NRXN3: variants seen among roughly 807,000 people sequenced by gnomAD.
The protein encoded by NRXN3 is neurexin 3, also known as neurexin III.
In NRXN3, 32 loss-of-function variants were observed where a neutral mutation model predicts 137.6. That is an observed-to-expected ratio of 0.23 (90% CI 0.18 to 0.31). The LOEUF (loss-of-function observed/expected upper bound fraction) is 0.31. Ranked by LOEUF, NRXN3 falls within the 10% of genes least tolerant of loss-of-function variation. NRXN3 has a pLI of 1.00. For synonymous variants in NRXN3, 798 were observed against 784.5 expected (o/e 1.02, Z -0.29); for missense variants, 1,574 against 2,062.5 (o/e 0.76, Z 4.59).
chr14:78,328,663 A>T (rs2080407327), intron 4 of NRXN3, among the ~76,000 whole-genome samples: 1 of 152,226 alleles, frequency 6.6e-6, no homozygotes, highest in African/African-American at 2.4e-5. Flanking sequence ...TATCCACACC[A>T]GTCCTTCTTG....
intron 14 of NRXN3, among the ~76,000 whole-genome samples, chr14:78,984,946 T>A (rs1244962583): frequency 6.6e-6 from 1 of 152,222 alleles, no homozygotes; most frequent in Non-Finnish European, 1.5e-5. Flanking sequence ...AAAGTTCTAT[T>A]AAGTCCTTAG....
intron 4 of NRXN3, among the ~76,000 whole-genome samples, chr14:78,561,544 C>T (rs2096786133): frequency 2.6e-5 from 4 of 152,100 alleles, no homozygotes. Flanking sequence ...AGGTTTATGC[C>T]ATAGGGGACA....
At chr14:78,537,049 T>C (rs1388451635) in intron 4 of NRXN3, among the ~76,000 whole-genome samples, 3 of 152,188 alleles carry the variant, frequency 2.0e-5, no homozygotes, top group Non-Finnish European at 2.9e-5. Flanking sequence ...CTATTGTGAG[T>C]AGTACCACCA....
At chr14:79,624,790 C>CTT (rs1567698949) in intron 16 of NRXN3, among the ~76,000 whole-genome samples, 4 of 119,492 alleles carry the variant, frequency 3.3e-5, no homozygotes, top group African/African-American at 1.3e-4. Flanking sequence ...CTTTCTTTCC[C>CTT]GTTTTTTTTT....
At chr14:78,673,681 C>T (rs1567029796) in intron 6 of NRXN3, among the ~76,000 whole-genome samples, 1 of 152,184 alleles carries the variant, frequency 6.6e-6, no homozygotes, top group Non-Finnish European at 1.5e-5. Flanking sequence ...TTTGTATCCT[C>T]ACATGGTGGA....
chr14:78,198,419 G>A (rs1388427143), intron 1 of NRXN3, among the ~76,000 whole-genome samples: 2 of 152,232 alleles, frequency 1.3e-5, no homozygotes, highest in Non-Finnish European at 2.9e-5. Flanking sequence ...TCCCTCAGGA[G>A]TTTAGAGTTG....
chr14:78,685,511 G>C (rs559978281), intron 6 of NRXN3, among the ~76,000 whole-genome samples: 1 of 151,744 alleles, frequency 6.6e-6, no homozygotes, highest in Non-Finnish European at 1.5e-5. Flanking sequence ...TGAACATGCT[G>C]TTCACATGAC....
At chr14:79,152,223 T>G (rs1307097943) in intron 15 of NRXN3, among the ~76,000 whole-genome samples, 1 of 152,094 alleles carries the variant, frequency 6.6e-6, no homozygotes, top group Non-Finnish European at 1.5e-5. Flanking sequence ...CTTTTGCATT[T>G]TATCTGCAGT....
chr14:79,613,290 G>T (rs952663485), intron 16 of NRXN3, among the ~76,000 whole-genome samples: 2 of 152,178 alleles, frequency 1.3e-5, no homozygotes, highest in African/African-American at 4.8e-5. Context: ...AAAATTTGGG[G>T]CATTTATGCC....
At chr14:79,526,567 TCCCATGGTGAATTTATATGTTCC>T (rs1405270182) in intron 16 of NRXN3, among the ~76,000 whole-genome samples, 1 of 152,148 alleles carries the variant, frequency 6.6e-6, no homozygotes, top group Non-Finnish European at 1.5e-5. Context: ...GGAGAATATT[TCCCATGGTGAATTTATATGTTCC>T]GCCAATTCAA....
At chr14:79,443,144 T>C (rs1001188013) in intron 15 of NRXN3, among the ~76,000 whole-genome samples, 5 of 152,250 alleles carry the variant, frequency 3.3e-5, no homozygotes, top group African/African-American at 1.2e-4. Flanking sequence ...TCATTTACAA[T>C]ATAGGTGTTA....
At chr14:79,801,550 G>GCACACACACACACACACACACACACACA (rs370807630) in intron 19 of NRXN3, among the ~76,000 whole-genome samples, 8 of 152,042 alleles carry the variant, frequency 5.3e-5, no homozygotes, top group African/African-American at 1.9e-4. Flanking sequence ...GTGTGTGCAC[G>GCACACACACACACACACACACACACACA]CACACACACA....
At chr14:79,531,229 A>G (rs1245913865) in intron 16 of NRXN3, among the ~76,000 whole-genome samples, 1 of 152,208 alleles carries the variant, frequency 6.6e-6, no homozygotes, top group Non-Finnish European at 1.5e-5. Context: ...TGTAGAAAGT[A>G]CAGATATGAC....
At chr14:78,289,581 G>A (rs1312927673) in intron 3 of NRXN3, among the ~76,000 whole-genome samples, 2 of 150,958 alleles carry the variant, frequency 1.3e-5, no homozygotes, top group Non-Finnish European at 2.9e-5. Context: ...TGCCAAATGT[G>A]CTTGTTTTTT....
At chr14:79,740,718 A>C (rs2075314499) in intron 19 of NRXN3, among the ~76,000 whole-genome samples, 1 of 11,952 alleles carries the variant, frequency 8.4e-5, no homozygotes, top group Admixed American at 5.5e-4. Context: ...TTTTTTATAT[A>C]TATATATATA....
At chr14:78,469,872 C>T (rs2095223058) in intron 4 of NRXN3, among the ~76,000 whole-genome samples, 1 of 152,200 alleles carries the variant, frequency 6.6e-6, no homozygotes, top group African/African-American at 2.4e-5. Context: ...AAAGCTAAAA[C>T]TGCCTCTTCC....
intron 19 of NRXN3, among the ~76,000 whole-genome samples, chr14:79,748,879 G>A (rs2098988079): frequency 6.6e-6 from 1 of 151,842 alleles, no homozygotes; most frequent in African/African-American, 2.4e-5. Flanking sequence ...AGAATGAAGG[G>A]TTTGCAAACA....
At chr14:79,131,496 C>T (rs1355037524) in intron 15 of NRXN3, among the ~76,000 whole-genome samples, 2 of 152,148 alleles carry the variant, frequency 1.3e-5, no homozygotes, top group African/African-American at 4.8e-5. Flanking sequence ...GCTTGGGGGT[C>T]AGGGGTCAGG....
intron 4 of NRXN3, among the ~76,000 whole-genome samples, chr14:78,356,879 A>G (rs1020618007): frequency 2.6e-5 from 4 of 152,150 alleles, no homozygotes; most frequent in Non-Finnish European, 4.4e-5. Context: ...TGGAAGAGAC[A>G]CTCACTTGGA....
Sources: allele counts gnomAD v4.1 joint callset (sites outside exome capture counted in the v4.1 genomes callset), GRCh38; gene constraint gnomAD v4.1.1; transcripts MANE v1.5; gene names NCBI Gene and HGNC (gene_info 2026-07-23, HGNC 2026-07-21).